UBE2K: variants seen among roughly 807,000 people sequenced by gnomAD.
UBE2K encodes ubiquitin-conjugating enzyme E2 K.
In UBE2K, 6 loss-of-function variants were observed where a neutral mutation model predicts 30.0. That is an observed-to-expected ratio of 0.20 (90% CI 0.11 to 0.39). The LOEUF (loss-of-function observed/expected upper bound fraction) is 0.39. Ranked by LOEUF, UBE2K falls within the 10% of genes least tolerant of loss-of-function variation. UBE2K has a pLI of 1.00. For synonymous variants in UBE2K, 86 were observed against 83.7 expected (o/e 1.03, Z -0.15); for missense variants, 61 against 241.6 (o/e 0.25, Z 4.96).
intron 1 of UBE2K, among the ~76,000 whole-genome samples, chr4:39,706,034 C>T (rs1047993872): frequency 7.9e-5 from 12 of 151,856 alleles, no homozygotes; most frequent in Admixed American, 5.2e-4. Flanking sequence ...TTTTTTGAGA[C>T]GGAGTCTCGC....
At chr4:39,704,740 C>G (rs931889788) in intron 1 of UBE2K, among the ~76,000 whole-genome samples, 3 of 151,980 alleles carry the variant, frequency 2.0e-5, no homozygotes, top group Admixed American at 1.3e-4. Context: ...CGGGGTTTCA[C>G]CATGTTGCCC....
At chr4:39,698,449 G>C (rs1717817371) in intron 1 of UBE2K, 59 bp downstream of exon 1, 16 of 1,513,180 alleles carry the variant, frequency 1.1e-5, no homozygotes, top group Non-Finnish European at 1.4e-5. Flanking sequence ...GGTCCTCCCA[G>C]CTGCGACCCC....
Position 39,764,833 on chromosome 4 carries a change from T to C in UBE2K, c.299+9094T>C, listed in dbSNP as rs373251294. 2.1e-4 allele frequency among the ~76,000 whole-genome samples: 32 copies of C among 152,068 alleles called. 2 individuals are homozygous for C. The highest frequency in any genetic ancestry group is 1.2e-3 in the East Asian group (6 of 5,168). On this transcript the variant is annotated intron_variant, in intron 4 of 6. Transcript: ENST00000261427. ...CGTCACAATAGGAAGACAGTGCAAA[T>C]AGAGGAAATAGACAGTATTTATAAT...
At chr4:39,738,592 A>G (rs1720502231) in intron 2 of UBE2K, among the ~76,000 whole-genome samples, 1 of 152,160 alleles carries the variant, frequency 6.6e-6, no homozygotes, top group South Asian at 2.1e-4. Flanking sequence ...GGCTCAGGTA[A>G]TCCTCCAGCT....
At chr4:39,752,334 TC>T (rs372301902) in intron 3 of UBE2K, among the ~76,000 whole-genome samples, 148 of 100,618 alleles carry the variant, frequency 1.5e-3, no homozygotes, top group African/African-American at 4.7e-3. Context: ...TCTTTTTTTT[TC>T]TTTTTTTTTT....
At position 39,774,971 on chromosome 4, in the gene UBE2K, G is replaced by A. The variant is rs779721399; in HGVS notation, c.399+38G>A. On this transcript the variant is annotated intron_variant, in intron 5 of 6. Transcript: ENST00000261427. ...CTTTTGAAAGACTTTCTTATATTAT[G>A]TATGAGTCTCTAGCCACTTCAGTGG... 3.0e-5 allele frequency: 43 copies of A among 1,426,690 alleles called. No homozygotes were observed. In the African/African-American group the frequency reaches 4.2e-4, roughly 14 times the overall value. 88.4% of individuals were successfully genotyped at this position (1,426,690 alleles called of 1,614,324 possible). A position where few individuals can be genotyped will look rare whatever the true frequency, so the allele number is the denominator to read the frequency against.
At chr4:39,711,423 A>G (rs1718673393) in intron 1 of UBE2K, among the ~76,000 whole-genome samples, 1 of 151,620 alleles carries the variant, frequency 6.6e-6, no homozygotes, top group Non-Finnish European at 1.5e-5. Flanking sequence ...CGGCCTCCCA[A>G]AGTGCTGAGA....
chr4:39,752,743 T>A (rs1721335626), intron 3 of UBE2K, among the ~76,000 whole-genome samples: 1 of 152,190 alleles, frequency 6.6e-6, no homozygotes, highest in African/African-American at 2.4e-5. Flanking sequence ...TTATTCAAAA[T>A]TCAAAAATCC....
intron 3 of UBE2K, 142 bp from the exon 4 acceptor site, chr4:39,755,515 A>G (rs1022166979): frequency 5.0e-6 from 3 of 603,822 alleles, no homozygotes; most frequent in Non-Finnish European, 8.6e-6. Context: ...TGTCTTCTAC[A>G]CCCCTTCTTT....
intron 2 of UBE2K, among the ~76,000 whole-genome samples, chr4:39,738,566 T>C (rs562119378): frequency 1.1e-4 from 17 of 152,236 alleles, no homozygotes; most frequent in Non-Finnish European, 2.2e-4. Context: ...TAGCTCATTA[T>C]AAATTTGAAT....
chr4:39,778,711 A>T lies in UBE2K; in HGVS notation c.*277A>T. ...GCTAAAACCATGGAAGAAACATGCT[A>T]CTTTAGTGTTTAGCAGTGTACCAAG... is the stretch of plus-strand genomic sequence containing the variant. On this transcript the variant is annotated 3_prime_UTR_variant, in exon 7 of 7. Transcript: ENST00000261427. The T allele has an allele frequency of 3.4e-6, 1 of 292,836 alleles. No individual in the cohort carries two copies. Among genetic ancestry groups the T allele is most frequent in the African/African-American group, 2.2e-5 (1 of 45,908 alleles). The allele number at this position is 292,836 out of a possible 1,614,324, so 18.1% of individuals were successfully genotyped here. A position where few individuals can be genotyped will look rare whatever the true frequency, so the allele number is the denominator to read the frequency against.
chr4:39,743,494 A>C (rs1021959777), intron 2 of UBE2K, among the ~76,000 whole-genome samples: 2 of 151,692 alleles, frequency 1.3e-5, no homozygotes, highest in Admixed American at 6.6e-5. Context: ...GTCCCAGCTA[A>C]TCGGGAGGCT....
chr4:39,742,601 G>A (rs1720764282), intron 2 of UBE2K, among the ~76,000 whole-genome samples: 1 of 152,068 alleles, frequency 6.6e-6, no homozygotes, highest in Non-Finnish European at 1.5e-5. Context: ...AATTAGCCAG[G>A]CATGGTGGCG....
At chr4:39,771,373 T>C in intron 4 of UBE2K, 1 of 1,612,738 alleles carries the variant, frequency 6.2e-7, no homozygotes, top group South Asian at 1.1e-5. Context: ...CTTGTTCATG[T>C]TCCGTAGCGT....
intron 2 of UBE2K, among the ~76,000 whole-genome samples, chr4:39,742,376 T>C (rs1384028161): frequency 6.6e-6 from 1 of 152,126 alleles, no homozygotes; most frequent in Non-Finnish European, 1.5e-5. Flanking sequence ...AATTTCATTA[T>C]TGTTATATGT....
intron 1 of UBE2K, among the ~76,000 whole-genome samples, chr4:39,716,898 C>T (rs556840954): frequency 5.7e-4 from 85 of 149,470 alleles, no homozygotes; most frequent in African/African-American, 1.9e-3. Flanking sequence ...CTTGGGAAGC[C>T]GAGACAGGAG....
At chr4:39,748,091 C>G (rs1560365031) in intron 3 of UBE2K, among the ~76,000 whole-genome samples, 2 of 152,190 alleles carry the variant, frequency 1.3e-5, no homozygotes, top group African/African-American at 4.8e-5. Flanking sequence ...TGAATTATGT[C>G]TCAGTAAAGG....
chr4:39,722,720 C>T (rs373643065), intron 1 of UBE2K, among the ~76,000 whole-genome samples: 6 of 151,884 alleles, frequency 4.0e-5, no homozygotes, highest in Admixed American at 6.6e-5. Context: ...GACAGCAGCC[C>T]GTGTGGGATT....
chr4:39,781,917 G>A lies in UBE2K; in HGVS notation c.*3483G>A. On this transcript the variant is annotated 3_prime_UTR_variant, in exon 7 of 7. Transcript: ENST00000261427. The stretch of plus-strand genomic sequence containing the variant: ...AGCCAGTTGCTGTCACTGGGAAGAA[G>A]GCAACTTGAAGTATTTACTGATAAA... 1 of 398,450 alleles carries A rather than the reference G, an allele frequency of 2.5e-6. No homozygotes were observed. Among genetic ancestry groups the A allele is most frequent in the Non-Finnish European group, 4.4e-6 (1 of 225,916 alleles). The allele number at this position is 398,450 out of a possible 1,614,324, so 24.7% of individuals were successfully genotyped here. A position where few individuals can be genotyped will look rare whatever the true frequency, so the allele number is the denominator to read the frequency against.
Sources: gnomAD v4.1 joint callset for allele counts (sites outside exome capture counted in the v4.1 genomes callset) on GRCh38, gnomAD v4.1.1 for gene constraint, MANE v1.5 for transcripts, NCBI Gene and HGNC (gene_info 2026-07-23, HGNC 2026-07-21) for gene names.